The following TRPC4AP variants were observed in gnomAD, a reference collection of about 807,000 sequenced individuals.
TRPC4AP encodes transient receptor potential cation channel subfamily C member 4 associated protein.
Under a neutral mutation model 99.0 loss-of-function variants are expected in TRPC4AP, and 45 were observed. The observed-to-expected ratio is 0.45, with a 90% CI of 0.36 to 0.58. The LOEUF is 0.58. TRPC4AP is among the 20% of genes least tolerant of loss of function. TRPC4AP has a pLI of 0.00. For synonymous variants in TRPC4AP, 408 were observed against 385.8 expected (o/e 1.06, Z -0.67); for missense variants, 879 against 985.3 (o/e 0.89, Z 1.44).
intron 9 of TRPC4AP, 24 bp from the exon 10 acceptor site, chr20:35,016,163 G>C: frequency 1.2e-6 from 2 of 1,613,906 alleles, no homozygotes; most frequent in African/African-American, 1.3e-5. Context: ...GAAGGAAAAA[G>C]TATTAAGACA....
At chr20:35,085,643 T>C (rs2084820937) in intron 1 of TRPC4AP, among the ~76,000 whole-genome samples, 1 of 151,996 alleles carries the variant, frequency 6.6e-6, no homozygotes, top group African/African-American at 2.4e-5. Flanking sequence ...GAATTTTGTT[T>C]TCCTTGTGAA....
chr20:35,013,456 T>TA (rs2082683219), intron 10 of TRPC4AP, among the ~76,000 whole-genome samples: 1 of 152,132 alleles, frequency 6.6e-6, no homozygotes, highest in South Asian at 2.1e-4. Context: ...GCTGCGCCTG[T>TA]AATTCTGGCT....
chr20:35,084,678 A>ATGCATATATGTGTGTG (rs2084777095), intron 1 of TRPC4AP, among the ~76,000 whole-genome samples: 2 of 137,192 alleles, frequency 1.5e-5, no homozygotes, highest in African/African-American at 5.8e-5. Context: ...ATATGTATAT[A>ATGCATATATGTGTGTG]TGTTTATATG....
intron 3 of TRPC4AP, among the ~76,000 whole-genome samples, chr20:35,065,763 G>A (rs2084127818): frequency 6.6e-6 from 1 of 152,192 alleles, no homozygotes. Context: ...CCGAAGATGG[G>A]ATAGGCTCCT....
chr20:35,044,644 G>T lies in TRPC4AP; in HGVS notation c.726C>A (p.Leu242=), dbSNP rs202043337. Residue 242 remains leucine, a synonymous_variant, in exon 7 of 19, where the codon CTC becomes CTA. Transcript: ENST00000252015. Reference sequence around the variant, plus strand: ...CAGCCAGAATCCGGCAGAAATTAGCGAGCTGCTGCTGATCGAAATTGGATA... The same window carrying T: ...CAGCCAGAATCCGGCAGAAATTAGCTAGCTGCTGCTGATCGAAATTGGATA... ...SLVSNFDQQQ[L]ANFCRILAVT... is the part of the protein sequence containing the mutation. The T allele has an allele frequency of 6.2e-7, 1 of 1,614,130 alleles. No individual in the cohort carries two copies. The highest frequency in any genetic ancestry group is 2.2e-5 in the East Asian group (1 of 44,874).
At chr20:35,021,051 A>C (rs2082874837) in intron 9 of TRPC4AP, 139 bp downstream of exon 9, 1 of 906,574 alleles carries the variant, frequency 1.1e-6, no homozygotes, top group Non-Finnish European at 1.6e-6. Flanking sequence ...TAGGTAGAAC[A>C]GAAGGAGAAA....
chr20:35,011,043 G>A (rs1335854467), intron 11 of TRPC4AP, among the ~76,000 whole-genome samples: 2 of 152,116 alleles, frequency 1.3e-5, no homozygotes, highest in South Asian at 2.1e-4. Context: ...GGTGGATCAC[G>A]AGGTCAGGAG....
chr20:35,021,274 T>C lies in TRPC4AP; in HGVS notation c.1134A>G (p.Ser378=). 6.2e-7 allele frequency: 1 copy of C among 1,614,100 alleles called. No homozygotes were observed. Among genetic ancestry groups the C allele is most frequent in the Non-Finnish European group, 8.5e-7 (1 of 1,180,002 alleles). Residue 378 remains serine (S), a synonymous_variant, in exon 9 of 19, where the codon TCA becomes TCG. Transcript: ENST00000252015. The part of the protein sequence containing the change: ...HTSARTQLPQ[S]MKIMHEIMYK... The stretch of plus-strand genomic sequence containing the variant: ...ACATGATCTCATGCATAATCTTCAT[T>C]GACTGGGGCAGCTGGGTTCTGGCTG...
chr20:35,050,129 G>A, intron 5 of TRPC4AP, 135 bp from the exon 6 acceptor site: 1 of 962,068 alleles, frequency 1.0e-6, no homozygotes, highest in East Asian at 2.7e-5. Context: ...GGAATGGCAT[G>A]GCTTAACTGT....
At chr20:35,009,668 C>A (rs1264105304) in intron 12 of TRPC4AP, among the ~76,000 whole-genome samples, 2 of 152,074 alleles carry the variant, frequency 1.3e-5, no homozygotes, top group Non-Finnish European at 2.9e-5. Context: ...AACAAACAAA[C>A]AAAAAAGGTT....
In TRPC4AP at chr20:35,018,226, C is replaced by T. The variant is rs527301445; in HGVS notation, c.1219-2087G>A. On this transcript the variant is annotated intron_variant, in intron 9 of 18. Coordinates refer to ENST00000252015, the MANE Select transcript of TRPC4AP (RefSeq NM_015638.3). ...CCTTCTAAGGCAGACTTGGACCTGA[C>T]CCTGGGTCTCCTAAGTTCAGGCCAG... Among the ~76,000 whole-genome samples, 24 of 152,274 alleles carry T rather than the reference C, an allele frequency of 1.6e-4. No individual in the cohort carries two copies. In the South Asian group the frequency reaches 5.0e-3, roughly 32 times the overall value.
chr20:35,015,250 C>T (rs2082723293), intron 10 of TRPC4AP, among the ~76,000 whole-genome samples: 1 of 151,558 alleles, frequency 6.6e-6, no homozygotes, highest in Non-Finnish European at 1.5e-5. Flanking sequence ...ATCTGCCCGC[C>T]TTGGCCTTTC....
At chr20:35,008,554 T>C (rs2082562314) in intron 13 of TRPC4AP, 110 bp downstream of exon 13, 3 of 889,392 alleles carry the variant, frequency 3.4e-6, no homozygotes, top group Admixed American at 4.5e-5. Context: ...ACAGTAATTG[T>C]GCTTCAGGAG....
intron 1 of TRPC4AP, among the ~76,000 whole-genome samples, chr20:35,084,791 A>G (rs954160589): frequency 1.3e-5 from 2 of 150,728 alleles, no homozygotes; most frequent in African/African-American, 4.9e-5. Flanking sequence ...GGGTATATGT[A>G]TATTTATCCT....
chr20:35,071,981 C>A (rs1268793851), intron 2 of TRPC4AP, among the ~76,000 whole-genome samples: 1 of 152,226 alleles, frequency 6.6e-6, no homozygotes, highest in Non-Finnish European at 1.5e-5. Flanking sequence ...GCCATTCTAA[C>A]TAGTGTGAGA....
intron 3 of TRPC4AP, among the ~76,000 whole-genome samples, chr20:35,064,509 T>G (rs1433943928): frequency 6.6e-6 from 1 of 152,258 alleles, no homozygotes; most frequent in Non-Finnish European, 1.5e-5. Context: ...AGAGATGTGT[T>G]ATTTTAGCTT....
chr20:35,070,777 T>G (rs1291099811), intron 2 of TRPC4AP, among the ~76,000 whole-genome samples: 1 of 152,144 alleles, frequency 6.6e-6, no homozygotes, highest in African/African-American at 2.4e-5. Flanking sequence ...TCCCCACAGA[T>G]TCCAAGACAG....
At chr20:35,038,667 G>C (rs1051905311) in intron 7 of TRPC4AP, among the ~76,000 whole-genome samples, 23 of 152,048 alleles carry the variant, frequency 1.5e-4, no homozygotes, top group African/African-American at 4.8e-4. Context: ...AATATTTTTC[G>C]AAGGACGTTT....
chr20:35,005,750 C>T lies in TRPC4AP; in HGVS notation c.1881G>A (p.Leu627=). ...INSSLVDSNM[L]VRCVTLSLDR... ...CCAGGGACAGAGTGACACAGCGCAC[C>T]AGCATGTTGGAGTCCACCAGGGAGC... The change falls in exon 16 of 19, where the codon CTG becomes CTA. Residue 627 remains leucine, a synonymous_variant. Coordinates refer to ENST00000252015, the MANE Select transcript of TRPC4AP (RefSeq NM_015638.3). 1 of 1,614,230 alleles carries T rather than the reference C, an allele frequency of 6.2e-7. No homozygotes were observed.
Sources: gnomAD v4.1 joint callset for allele counts (sites outside exome capture counted in the v4.1 genomes callset) on GRCh38, gnomAD v4.1.1 for gene constraint, MANE v1.5 for transcripts, NCBI Gene and HGNC (gene_info 2026-07-23, HGNC 2026-07-21) for gene names.